Variants in NOX4 observed in about 807,000 individuals in gnomAD.
NOX4 encodes the protein NADPH oxidase 4.
In NOX4, 69 loss-of-function variants were observed where a neutral mutation model predicts 87.6. That is an observed-to-expected ratio of 0.79 (90% confidence interval 0.65 to 0.96). The LOEUF (loss-of-function observed/expected upper bound fraction) is 0.96. Among genes scored for constraint, NOX4 ranks in the 40% least tolerant of loss-of-function variants. The probability of loss-of-function intolerance (pLI) is 0.00; values close to 1 mark genes in which losing one functional copy is unlikely to be tolerated. For synonymous variants in NOX4, 275 were observed against 238.2 expected (o/e 1.15, Z -1.42); for missense variants, 680 against 681.5 (o/e 1.00, Z 0.02).
chr11:89,425,124 G>C (rs1943305630), intron 7 of NOX4, among the ~76,000 whole-genome samples: 1 of 151,990 alleles, frequency 6.6e-6, no homozygotes, highest in African/African-American at 2.4e-5. Flanking sequence ...TATGTCAGAT[G>C]CTCTAATTTT....
chr11:89,427,781 T>C (rs1489202543), intron 7 of NOX4, among the ~76,000 whole-genome samples: 2 of 152,144 alleles, frequency 1.3e-5, no homozygotes, highest in Admixed American at 6.6e-5. Flanking sequence ...TGGAACCAAG[T>C]TGGAAAACAC....
upstream of NOX4, among the ~76,000 whole-genome samples, chr11:89,494,432 C>A (rs1946925232): frequency 6.6e-6 from 1 of 152,184 alleles, no homozygotes; most frequent in Admixed American, 6.5e-5. Context: ...CTGCATTTTC[C>A]ACAAATTAAT....
rs10458829 is a variant in NOX4 at position 89,335,625 on chromosome 11, A to C, written c.1616+220T>G. ...AGATAGGAGAGTTTAGCTCATAAATACACTGTAGACTATTTCTAAGCCAAA... is the reference window on the plus strand; with the variant it reads ...AGATAGGAGAGTTTAGCTCATAAATCCACTGTAGACTATTTCTAAGCCAAA... On this transcript the variant is annotated intron_variant, in intron 17 of 17. Transcript: ENST00000263317. Among the ~76,000 whole-genome samples, 13 of 151,942 alleles carry C rather than the reference A, an allele frequency of 8.6e-5. No individual in the cohort carries two copies. In the East Asian group the frequency reaches 2.5e-3, roughly 29 times the overall value.
intron 17 of NOX4, among the ~76,000 whole-genome samples, chr11:89,335,559 G>A (rs1038876407): frequency 2.6e-5 from 4 of 151,526 alleles, no homozygotes; most frequent in Non-Finnish European, 5.9e-5. Flanking sequence ...CTGTGGGAGC[G>A]AATACCCATT....
At chr11:89,486,974 C>A (rs1404588880) in intron 2 of NOX4, among the ~76,000 whole-genome samples, 2 of 151,874 alleles carry the variant, frequency 1.3e-5, no homozygotes, top group African/African-American at 2.4e-5. Context: ...TCACTGGTTT[C>A]TTTTTCCTTT....
At chr11:89,423,222 C>T (rs1943181470) in intron 7 of NOX4, among the ~76,000 whole-genome samples, 1 of 152,038 alleles carries the variant, frequency 6.6e-6, no homozygotes, top group Non-Finnish European at 1.5e-5. Context: ...AATTACAAAC[C>T]CAACTGTAGG....
chr11:89,522,722 A>C, the NOX4 span, among the ~76,000 whole-genome samples: 6 of 152,352 alleles, frequency 3.9e-5, no homozygotes, highest in Middle Eastern at 6.8e-3. Flanking sequence ...TTCATAAAAT[A>C]AAAGTAAACT....
intron 12 of NOX4, among the ~76,000 whole-genome samples, chr11:89,364,196 A>G (rs1938751846): frequency 1.3e-5 from 2 of 152,046 alleles, no homozygotes; most frequent in South Asian, 4.1e-4. Context: ...GCAGTGAGCT[A>G]TGATTATGCT....
At chr11:89,504,038 C>G in the NOX4 span, among the ~76,000 whole-genome samples, 11 of 151,210 alleles carry the variant, frequency 7.3e-5, no homozygotes, top group Non-Finnish European at 1.2e-4. Flanking sequence ...CTGTGGGGTA[C>G]AAAATAACAA....
intron 8 of NOX4, among the ~76,000 whole-genome samples, chr11:89,409,762 T>C (rs1942377861): frequency 6.6e-6 from 1 of 152,106 alleles, no homozygotes; most frequent in Admixed American, 6.6e-5. Flanking sequence ...ATCTTAAAGA[T>C]CATAGTTATA....
intron 14 of NOX4, 78 bp from the exon 15 acceptor site, chr11:89,340,249 T>C: frequency 2.1e-6 from 2 of 950,676 alleles, no homozygotes; most frequent in Non-Finnish European, 3.2e-6. Flanking sequence ...TTTTAAAGTT[T>C]CCTTTTCATT....
At chr11:89,392,334 G>C (rs568952499) in intron 11 of NOX4, among the ~76,000 whole-genome samples, 2 of 152,208 alleles carry the variant, frequency 1.3e-5, no homozygotes, top group Middle Eastern at 3.4e-3. Flanking sequence ...CAAGAGTGAA[G>C]GCCCGGGGTG....
intron 8 of NOX4, among the ~76,000 whole-genome samples, chr11:89,417,659 T>C (rs1344918242): frequency 6.6e-6 from 1 of 152,112 alleles, no homozygotes; most frequent in Non-Finnish European, 1.5e-5. Flanking sequence ...TTTTCAAAAG[T>C]GTTGTGTCTT....
chr11:89,388,307 T>G (rs1427385269), intron 11 of NOX4, among the ~76,000 whole-genome samples: 8 of 152,054 alleles, frequency 5.3e-5, no homozygotes, highest in Admixed American at 2.0e-4. Context: ...TCTGAAAAGG[T>G]TGCCTGGGAG....
intron 8 of NOX4, among the ~76,000 whole-genome samples, chr11:89,416,969 T>C (rs933592410): frequency 4.6e-5 from 7 of 152,204 alleles, no homozygotes; most frequent in African/African-American, 1.7e-4. Context: ...TTTAATGTGC[T>C]GTCATTGTCA....
chr11:89,468,014 A>G (rs560951501), intron 2 of NOX4, among the ~76,000 whole-genome samples: 1 of 152,356 alleles, frequency 6.6e-6, no homozygotes, highest in South Asian at 2.1e-4. Flanking sequence ...ACTTATCAGT[A>G]AATTTATTTT....
At chr11:89,376,457 A>G (rs562727279) in intron 11 of NOX4, among the ~76,000 whole-genome samples, 1 of 152,266 alleles carries the variant, frequency 6.6e-6, no homozygotes, top group African/African-American at 2.4e-5. Flanking sequence ...CTCAAAGGGA[A>G]GAAATAATAC....
chr11:89,518,310 A>G, the NOX4 span, among the ~76,000 whole-genome samples: 1 of 152,016 alleles, frequency 6.6e-6, no homozygotes, highest in African/African-American at 2.4e-5. Flanking sequence ...GTTTATGGAC[A>G]GCTATAAAAA....
chr11:89,518,953 G>C, the NOX4 span, among the ~76,000 whole-genome samples: 1 of 151,894 alleles, frequency 6.6e-6, no homozygotes, highest in African/African-American at 2.4e-5. Flanking sequence ...AAAATTAGAT[G>C]GTAAAGAATA....
Sources: gnomAD v4.1 joint callset for allele counts (sites outside exome capture counted in the v4.1 genomes callset) on GRCh38, gnomAD v4.1.1 for gene constraint, MANE v1.5 for transcripts, NCBI Gene and HGNC (gene_info 2026-07-23, HGNC 2026-07-21) for gene names.